The following CACNG2 variants were observed in gnomAD, a reference collection of about 807,000 sequenced individuals.
CACNG2 encodes the protein voltage-dependent calcium channel gamma-2 subunit.
A neutral mutation model predicts 25.9 loss-of-function variants in CACNG2; 3 were observed. The ratio of observed to expected loss-of-function variants is 0.12; its 90% CI spans 0.05 to 0.30. The LOEUF (loss-of-function observed/expected upper bound fraction) is 0.30, where lower values mean the gene tolerates loss of function less well. Among genes scored for constraint, CACNG2 ranks in the 10% least tolerant of loss-of-function variants. The pLI is 1.00. For synonymous variants in CACNG2, 167 were observed against 173.3 expected, an observed-to-expected ratio of 0.96 and a Z score of 0.29; for missense variants, 341 against 432.5, an observed-to-expected ratio of 0.79 and a Z score of 1.88.
At chr22:36,613,156 CTGTGTGTGTGTG>C (rs61572491) in intron 1 of CACNG2, among the ~76,000 whole-genome samples, 18 of 146,216 alleles carry the variant, frequency 1.2e-4, no homozygotes, top group East Asian at 1.2e-3. Context: ...TACAGGCTCT[CTGTGTGTGTGTG>C]TGTGTGTGTG....
intron 1 of CACNG2, among the ~76,000 whole-genome samples, chr22:36,626,761 TTGA>T (rs1450535687): frequency 6.6e-6 from 1 of 152,232 alleles, no homozygotes; most frequent in African/African-American, 2.4e-5. Flanking sequence ...AAAGTCCCAG[TTGA>T]TTAAGAGTCT....
At chr22:36,568,279 A>C (rs958956803) in intron 2 of CACNG2, among the ~76,000 whole-genome samples, 2 of 152,148 alleles carry the variant, frequency 1.3e-5, no homozygotes, top group Non-Finnish European at 2.9e-5. Flanking sequence ...CCAGGAGCGG[A>C]GCTTCCTCTT....
rs140856550 is a variant in CACNG2, at chr22:36,568,007, G to C, written c.296-1514C>G. ...TGGGACTACAGGCGTGTACCACCAT[G>C]CTTGGCTAATTTTTGTACTTTTAGT... is the stretch of plus-strand genomic sequence containing the variant. On this transcript the variant is annotated intron_variant, in intron 2 of 3. Transcript: ENST00000300105. 7.2e-5 allele frequency among the ~76,000 whole-genome samples: 11 copies of C among 151,884 alleles called. No homozygotes were observed. In the East Asian group the frequency reaches 2.1e-3, roughly 30 times the overall value.
At chr22:36,591,198 G>A (rs556934859) in intron 1 of CACNG2, among the ~76,000 whole-genome samples, 6 of 152,168 alleles carry the variant, frequency 3.9e-5, no homozygotes, top group East Asian at 3.9e-4. Context: ...CACTACGCCC[G>A]GCTAATTTTT....
At chr22:36,601,428 A>G (rs1453322730) in intron 1 of CACNG2, among the ~76,000 whole-genome samples, 2 of 152,126 alleles carry the variant, frequency 1.3e-5, no homozygotes, top group Non-Finnish European at 2.9e-5. Context: ...GGACATCTAG[A>G]TTGTTTCCAT....
At chr22:36,615,815 CAATAGTGTTAGTTAAAAAA>C (rs1936013565) in intron 1 of CACNG2, among the ~76,000 whole-genome samples, 1 of 151,872 alleles carries the variant, frequency 6.6e-6, no homozygotes. Context: ...AATAATGTCA[CAATAGTGTTAGTTAAAAAA>C]AATAGTGTTA....
chr22:36,645,258 A>G (rs899648441), intron 1 of CACNG2, among the ~76,000 whole-genome samples: 2 of 152,130 alleles, frequency 1.3e-5, no homozygotes, highest in African/African-American at 4.8e-5. Context: ...TTCTCCAGGG[A>G]AAGTTGCTGT....
intron 2 of CACNG2, among the ~76,000 whole-genome samples, chr22:36,580,906 C>G (rs568260700): frequency 6.6e-6 from 1 of 152,144 alleles, no homozygotes; most frequent in Admixed American, 6.5e-5. Flanking sequence ...TGCAAACACA[C>G]AAGCGCTTAC....
chr22:36,626,485 G>A (rs2283996), intron 1 of CACNG2, among the ~76,000 whole-genome samples: 18,463 of 150,748 alleles, frequency 0.12, 1,285 homozygotes, highest in East Asian at 0.25. Context: ...CCTTCTTCCC[G>A]CTCCTCCTCT....
chr22:36,613,753 G>A (rs778749925), intron 1 of CACNG2, among the ~76,000 whole-genome samples: 8 of 151,694 alleles, frequency 5.3e-5, no homozygotes, highest in African/African-American at 1.5e-4. Flanking sequence ...CTGTCCCCCC[G>A]TGAATATCCC....
chr22:36,686,637 G>A (rs1937203014), intron 1 of CACNG2, among the ~76,000 whole-genome samples: 1 of 152,192 alleles, frequency 6.6e-6, no homozygotes, highest in Non-Finnish European at 1.5e-5. Context: ...CGTCCCACAA[G>A]CATGAGTGAG....
At chr22:36,666,960 C>T (rs1261572454) in intron 1 of CACNG2, among the ~76,000 whole-genome samples, 5 of 152,058 alleles carry the variant, frequency 3.3e-5, no homozygotes, top group Non-Finnish European at 5.9e-5. Flanking sequence ...CCCCGCCACC[C>T]CACTTGACTC....
At chr22:36,605,043 G>A (rs1371444505) in intron 1 of CACNG2, among the ~76,000 whole-genome samples, 1 of 152,064 alleles carries the variant, frequency 6.6e-6, no homozygotes, top group Non-Finnish European at 1.5e-5. Context: ...TCAAAATGTT[G>A]GGATTACAGG....
intron 1 of CACNG2, among the ~76,000 whole-genome samples, chr22:36,637,130 T>A (rs754454848): frequency 2.6e-4 from 40 of 152,256 alleles, no homozygotes; most frequent in Non-Finnish European, 4.9e-4. Context: ...CTAGGGCCTT[T>A]GTCTTGGGAA....
chr22:36,565,487 T>A (rs998725000), intron 3 of CACNG2, among the ~76,000 whole-genome samples: 2 of 152,050 alleles, frequency 1.3e-5, no homozygotes, highest in Non-Finnish European at 2.9e-5. Flanking sequence ...TGGTTCCTTT[T>A]TTTTTTTTTA....
At chr22:36,607,139 C>A (rs914019347) in intron 1 of CACNG2, among the ~76,000 whole-genome samples, 1 of 152,072 alleles carries the variant, frequency 6.6e-6, no homozygotes, top group Non-Finnish European at 1.5e-5. Context: ...GGGGCAAGAC[C>A]AGAAGCCATG....
chr22:36,580,825 C>G (rs1935402729), intron 2 of CACNG2, among the ~76,000 whole-genome samples: 1 of 152,110 alleles, frequency 6.6e-6, no homozygotes, highest in Non-Finnish European at 1.5e-5. Flanking sequence ...AATGTCACCT[C>G]CCATCTCCTG....
intron 1 of CACNG2, among the ~76,000 whole-genome samples, chr22:36,661,574 T>C (rs1453181825): frequency 3.3e-5 from 5 of 152,206 alleles, no homozygotes; most frequent in Non-Finnish European, 5.9e-5. Context: ...ATCCCAAATC[T>C]GTTTTGTCGG....
At chr22:36,663,012 C>T (rs934162223) in intron 1 of CACNG2, among the ~76,000 whole-genome samples, 23 of 148,912 alleles carry the variant, frequency 1.5e-4, no homozygotes, top group African/African-American at 5.2e-4. Flanking sequence ...TGAACACTCA[C>T]GATATGTTTC....
Sources: allele counts gnomAD v4.1 joint callset (sites outside exome capture counted in the v4.1 genomes callset), GRCh38; gene constraint gnomAD v4.1.1; transcripts MANE v1.5; gene names NCBI Gene and HGNC (gene_info 2026-07-23, HGNC 2026-07-21).